CADPS2: variants seen among roughly 807,000 people sequenced by gnomAD.
CADPS2 encodes calcium-dependent secretion activator 2.
A neutral mutation model predicts 172.5 loss-of-function variants in CADPS2; 93 were observed. The ratio of observed to expected loss-of-function variants is 0.54; its 90% CI spans 0.46 to 0.64. The LOEUF is 0.64. Ranked by LOEUF, CADPS2 falls within the 30% of genes least tolerant of loss-of-function variation. The pLI, the probability that CADPS2 is intolerant of heterozygous loss-of-function variation, is 0.00. For missense variants in CADPS2, 1,420 were observed against 1,565.9 expected, an observed-to-expected ratio of 0.91 and a Z score of 1.57; for synonymous variants, 546 against 555.2, an observed-to-expected ratio of 0.98 and a Z score of 0.23.
intron 14 of CADPS2, among the ~76,000 whole-genome samples, chr7:122,455,880 A>G (rs2152069091): frequency 6.6e-6 from 1 of 151,852 alleles, no homozygotes; most frequent in East Asian, 1.9e-4. Context: ...CTAATTTTGT[A>G]TTTTTAGTAG....
chr7:122,428,229 A>C (rs1159689701), intron 17 of CADPS2, among the ~76,000 whole-genome samples: 1 of 152,118 alleles, frequency 6.6e-6, no homozygotes, highest in African/African-American at 2.4e-5. Flanking sequence ...CATTTACACT[A>C]ATGGTGCAAA....
chr7:122,591,958 A>T (rs2070878169), intron 6 of CADPS2, among the ~76,000 whole-genome samples: 2 of 152,054 alleles, frequency 1.3e-5, no homozygotes, highest in Non-Finnish European at 2.9e-5. Context: ...CAACAAAAGC[A>T]ATGGCAACAA....
chr7:122,468,521 C>A (rs113441629), intron 14 of CADPS2, among the ~76,000 whole-genome samples: 7 of 152,278 alleles, frequency 4.6e-5, no homozygotes, highest in African/African-American at 1.7e-4. Flanking sequence ...TTTTCTTCAT[C>A]TCACAATTTA....
intron 1 of CADPS2, among the ~76,000 whole-genome samples, chr7:122,807,037 G>C (rs1001659183): frequency 1.3e-5 from 2 of 152,186 alleles, no homozygotes; most frequent in Non-Finnish European, 2.9e-5. Flanking sequence ...AGGGGATACT[G>C]TAAGGACAGA....
chr7:122,381,264 A>G (rs2042968074), intron 24 of CADPS2, among the ~76,000 whole-genome samples: 2 of 152,072 alleles, frequency 1.3e-5, no homozygotes, highest in Admixed American at 1.3e-4. Context: ...GCTCCAGATC[A>G]GTGTATTCAG....
intron 1 of CADPS2, among the ~76,000 whole-genome samples, chr7:122,804,002 T>A (rs75390883): frequency 2.2e-5 from 3 of 134,158 alleles, no homozygotes; most frequent in African/African-American, 5.9e-5. Context: ...AAAAAAACAC[T>A]GCAAAGCACA....
In CADPS2 at chr7:122,397,855, G is replaced by A. The variant is rs540485817; in HGVS notation, c.2747-4273C>T. 2.4e-3 allele frequency among the ~76,000 whole-genome samples: 358 copies of A among 152,262 alleles called. 1 individual carries two copies. The highest frequency in any genetic ancestry group is 4.3e-3 in the Admixed American group (66 of 15,286). The stretch of plus-strand genomic sequence containing the variant: ...AGAACACTTCTGACACCATACTCAA[G>A]TATGAGAGAGTGAAAAGGGCTGCTC... On this transcript the variant is annotated intron_variant, in intron 20 of 29. Transcript: ENST00000449022.
At chr7:122,861,096 T>C (rs924455388) in intron 1 of CADPS2, among the ~76,000 whole-genome samples, 1 of 152,230 alleles carries the variant, frequency 6.6e-6, no homozygotes, top group Admixed American at 6.5e-5. Flanking sequence ...CATATGAATT[T>C]CATTTCCTTT....
chr7:122,577,052 T>C (rs898005747), intron 7 of CADPS2, among the ~76,000 whole-genome samples: 2 of 152,012 alleles, frequency 1.3e-5, no homozygotes, highest in East Asian at 1.9e-4. Flanking sequence ...TGAGCCACCA[T>C]ACCTGGCCTG....
chr7:122,700,768 C>T (rs1012981287), intron 2 of CADPS2, among the ~76,000 whole-genome samples: 1 of 152,108 alleles, frequency 6.6e-6, no homozygotes, highest in Admixed American at 6.6e-5. Flanking sequence ...TTACTAAGGA[C>T]ACTTCTAGAA....
intron 2 of CADPS2, among the ~76,000 whole-genome samples, chr7:122,734,129 T>C (rs564238217): frequency 3.1e-4 from 47 of 151,810 alleles, no homozygotes; most frequent in African/African-American, 1.1e-3. Flanking sequence ...TCCTTAGCTC[T>C]GCTTTTAATT....
At chr7:122,363,808 T>C (rs1026819854) in intron 25 of CADPS2, among the ~76,000 whole-genome samples, 5 of 152,154 alleles carry the variant, frequency 3.3e-5, no homozygotes, top group African/African-American at 9.7e-5. Flanking sequence ...AAAACCTGAA[T>C]ACATTAAGTC....
intron 25 of CADPS2, among the ~76,000 whole-genome samples, chr7:122,361,548 T>TA (rs1304240656): frequency 1.3e-5 from 2 of 151,966 alleles, no homozygotes; most frequent in Non-Finnish European, 2.9e-5. Flanking sequence ...ACACAATTTT[T>TA]AAAAAAATAA....
At chr7:122,879,240 A>C (rs1822205245) in intron 1 of CADPS2, among the ~76,000 whole-genome samples, 1 of 149,678 alleles carries the variant, frequency 6.7e-6, no homozygotes, top group African/African-American at 2.5e-5. Context: ...CTGCCTCAAA[A>C]AAAAAAAAAA....
At chr7:122,683,011 G>A (rs2083225156) in intron 2 of CADPS2, among the ~76,000 whole-genome samples, 2 of 152,192 alleles carry the variant, frequency 1.3e-5, no homozygotes, top group Non-Finnish European at 2.9e-5. Context: ...GCTCTGTGTG[G>A]GCCCTGGAGC....
intron 1 of CADPS2, among the ~76,000 whole-genome samples, chr7:122,787,200 G>A (rs1175640667): frequency 6.6e-6 from 1 of 152,160 alleles, no homozygotes; most frequent in Non-Finnish European, 1.5e-5. Context: ...TCAATCTCAT[G>A]AGGGTTTTAT....
At chr7:122,776,133 T>G (rs891687034) in intron 1 of CADPS2, among the ~76,000 whole-genome samples, 5 of 152,138 alleles carry the variant, frequency 3.3e-5, no homozygotes, top group Non-Finnish European at 7.4e-5. Flanking sequence ...GAATTGTAGC[T>G]CCCATAATCC....
chr7:122,645,697 CTTAG>C (rs1390016253), intron 3 of CADPS2, among the ~76,000 whole-genome samples: 7 of 116,152 alleles, frequency 6.0e-5, no homozygotes, highest in African/African-American at 1.6e-4. Context: ...GGATTTTGCT[CTTAG>C]TTAGATCCAC....
intron 1 of CADPS2, among the ~76,000 whole-genome samples, chr7:122,768,700 A>G (rs2093625745): frequency 6.6e-6 from 1 of 152,184 alleles, no homozygotes; most frequent in South Asian, 2.1e-4. Flanking sequence ...GGATAATTAG[A>G]TAAGTAATAA....
Sources: allele counts gnomAD v4.1 joint callset (sites outside exome capture counted in the v4.1 genomes callset), GRCh38; gene constraint gnomAD v4.1.1; transcripts MANE v1.5; gene names NCBI Gene and HGNC (gene_info 2026-07-23, HGNC 2026-07-21).